Variants in GALK2 observed in about 807,000 individuals in gnomAD.
GALK2 encodes galactokinase 2.
Under a neutral mutation model 52.4 loss-of-function variants are expected in GALK2, and 36 were observed. The observed-to-expected ratio is 0.69, with a 90% CI of 0.53 to 0.91. GALK2 has a LOEUF of 0.91. GALK2 is among the 40% of genes least tolerant of loss of function. GALK2 has a pLI of 0.00. For missense variants in GALK2, 579 were observed against 559.1 expected, an observed-to-expected ratio of 1.04 and a Z score of -0.36; for synonymous variants, 176 against 199.1, an observed-to-expected ratio of 0.88 and a Z score of 0.98.
chr15:49,324,629 A>G (rs1335688787), intron 9 of GALK2, among the ~76,000 whole-genome samples: 1 of 152,148 alleles, frequency 6.6e-6, no homozygotes, highest in Non-Finnish European at 1.5e-5. Flanking sequence ...AGCAATTTGA[A>G]GGCACGGTGT....
chr15:49,308,407 G>A (rs2035721154), intron 8 of GALK2, among the ~76,000 whole-genome samples: 1 of 152,168 alleles, frequency 6.6e-6, no homozygotes, highest in Non-Finnish European at 1.5e-5. Flanking sequence ...GGGTATGAAA[G>A]TCTCAGAAAG....
intron 3 of GALK2, among the ~76,000 whole-genome samples, chr15:49,364,019 G>A (rs1026817377): frequency 6.6e-6 from 1 of 152,146 alleles, no homozygotes. Context: ...CCGTTCGCTA[G>A]TATTTTGTTG....
At chr15:49,276,411 T>C (rs1246059552) in intron 5 of GALK2, among the ~76,000 whole-genome samples, 1 of 152,250 alleles carries the variant, frequency 6.6e-6, no homozygotes, top group East Asian at 1.9e-4. Flanking sequence ...TGTTCCTGAA[T>C]TCATTTTGAT....
At chr15:49,270,062 C>T (rs2030201584) in intron 5 of GALK2, among the ~76,000 whole-genome samples, 1 of 152,164 alleles carries the variant, frequency 6.6e-6, no homozygotes, top group Non-Finnish European at 1.5e-5. Context: ...TATCATCGCT[C>T]CCCTAACGTA....
intron 5 of GALK2, among the ~76,000 whole-genome samples, chr15:49,270,747 GTTCT>G (rs2030401443): frequency 6.6e-6 from 1 of 152,150 alleles, no homozygotes; most frequent in African/African-American, 2.4e-5. Flanking sequence ...ATTCATAGAG[GTTCT>G]TTCTTTCTCT....
intron 1 of GALK2, 66 bp downstream of exon 1, chr15:49,170,441 G>T (rs57815447): frequency 6.7e-7 from 1 of 1,499,522 alleles, no homozygotes; most frequent in East Asian, 2.5e-5. Flanking sequence ...CGGGTCCACA[G>T]CACTTGGCTC....
At chr15:49,236,317 TC>T (rs1336293524) in intron 4 of GALK2, among the ~76,000 whole-genome samples, 3 of 152,184 alleles carry the variant, frequency 2.0e-5, no homozygotes, top group Non-Finnish European at 4.4e-5. Flanking sequence ...GAATCTGGGC[TC>T]TTCTCAGCTG....
Position 49,330,228 on chromosome 15 carries a change from G to A in GALK2, c.*2069G>A, listed in dbSNP as rs1338874325. ...GTGTAGGAGGCTCAGTGAGAGTGAA[G>A]GCTTTGCTTTGGTATGTAGTGAAGA... On this transcript the variant is annotated 3_prime_UTR_variant, in exon 10 of 10. Transcript: ENST00000560031. 6.6e-6 allele frequency: 1 copy of A among 152,222 alleles called. No homozygotes were observed. The highest frequency in any genetic ancestry group is 1.5e-5 in the Non-Finnish European group (1 of 68,086). The allele number at this position is 152,222 out of a possible 1,614,324, so 9.4% of individuals were successfully genotyped here.
At chr15:49,276,325 G>C (rs540311002) in intron 5 of GALK2, among the ~76,000 whole-genome samples, 67 of 151,344 alleles carry the variant, frequency 4.4e-4, no homozygotes, top group Non-Finnish European at 7.8e-4. Flanking sequence ...TGTGTTTGTG[G>C]GGTACAGTGG....
chr15:49,211,173 A>C (rs2088853145), intron 2 of GALK2, among the ~76,000 whole-genome samples: 1 of 152,242 alleles, frequency 6.6e-6, no homozygotes, highest in East Asian at 1.9e-4. Context: ...GCTGCTTAGA[A>C]ATTTTTTTCA....
downstream of GALK2, among the ~76,000 whole-genome samples, chr15:49,333,177 A>G (rs1596232688): frequency 1.3e-5 from 2 of 152,286 alleles, no homozygotes; most frequent in African/African-American, 4.8e-5. Flanking sequence ...GATATGTTAC[A>G]TACCATAAAA....
At chr15:49,298,757 G>A (rs1175693583) in intron 8 of GALK2, among the ~76,000 whole-genome samples, 3 of 152,046 alleles carry the variant, frequency 2.0e-5, no homozygotes, top group Non-Finnish European at 2.9e-5. Context: ...AGGAATGAAG[G>A]CTGCTTGATA....
At chr15:49,251,774 T>A (rs143198157) in intron 5 of GALK2, among the ~76,000 whole-genome samples, 3 of 152,330 alleles carry the variant, frequency 2.0e-5, no homozygotes, top group Admixed American at 6.5e-5. Flanking sequence ...TTATTAAGCT[T>A]TATTTTTATG....
At chr15:49,343,720 C>G (rs1222815785) in intron 3 of GALK2, 1 of 152,136 alleles carries the variant, frequency 6.6e-6, no homozygotes, top group Non-Finnish European at 1.5e-5. Context: ...GCCAATTTAT[C>G]CACTGGAATT....
intron 2 of GALK2, among the ~76,000 whole-genome samples, chr15:49,212,456 C>A (rs1390509891): frequency 7.1e-6 from 1 of 141,634 alleles, no homozygotes; most frequent in Non-Finnish European, 1.6e-5. Flanking sequence ...AAAACACCAA[C>A]TTTTAATTTC....
At chr15:49,258,158 G>T (rs1293990120) in intron 5 of GALK2, among the ~76,000 whole-genome samples, 1 of 152,038 alleles carries the variant, frequency 6.6e-6, no homozygotes, top group Admixed American at 6.6e-5. Context: ...TCTATTTTGT[G>T]TCAGGCACTA....
rs767769297 is a variant in GALK2 at position 49,307,414 on chromosome 15, T to G, written c.968-12190T>G. ...CAAATGCCACAATCAAAATGGCAAT[T>G]TGGGAAGTTTGTTATGGTATGTATG... On this transcript the variant is annotated intron_variant, in intron 8 of 9. Transcript: ENST00000560031. 1.6e-4 allele frequency among the ~76,000 whole-genome samples: 25 copies of G among 152,186 alleles called. No individual in the cohort carries two copies. In the South Asian group the frequency reaches 4.8e-3, roughly 29 times the overall value.
At chr15:49,202,790 A>G (rs1318586882) in intron 2 of GALK2, among the ~76,000 whole-genome samples, 1 of 152,106 alleles carries the variant, frequency 6.6e-6, no homozygotes, top group African/African-American at 2.4e-5. Flanking sequence ...TGTTTTCCAT[A>G]TGGCTATACT....
At chr15:49,356,101 G>A (rs1236542104) in intron 3 of GALK2, among the ~76,000 whole-genome samples, 3 of 152,134 alleles carry the variant, frequency 2.0e-5, no homozygotes, top group Non-Finnish European at 4.4e-5. Context: ...CACTAAACAT[G>A]GAAAGGAACA....
Sources: allele counts gnomAD v4.1 joint callset (sites outside exome capture counted in the v4.1 genomes callset), GRCh38; gene constraint gnomAD v4.1.1; transcripts MANE v1.5; gene names NCBI Gene and HGNC (gene_info 2026-07-23, HGNC 2026-07-21).